The following HAT1 variants were observed in gnomAD, a reference collection of about 807,000 sequenced individuals.
HAT1 encodes the protein histone acetyltransferase 1.
A neutral mutation model predicts 56.6 loss-of-function variants in HAT1; 20 were observed. The observed-to-expected ratio is 0.35, with a 90% CI of 0.25 to 0.51. The LOEUF (loss-of-function observed/expected upper bound fraction) is 0.51, where lower values mean the gene tolerates loss of function less well. HAT1 is among the 20% of genes least tolerant of loss of function. The pLI is 0.95. For missense variants in HAT1, 408 were observed against 504.3 expected (o/e 0.81, Z 1.83); for synonymous variants, 146 against 165.5 (o/e 0.88, Z 0.91).
intron 1 of HAT1, among the ~76,000 whole-genome samples, chr2:171,925,194 T>G (rs1367047424): frequency 2.7e-5 from 4 of 149,752 alleles, no homozygotes; most frequent in Non-Finnish European, 5.9e-5. Flanking sequence ...TGCCTCAGCC[T>G]CCCAAGTAGC....
intron 4 of HAT1, 165 bp from the exon 5 acceptor site, chr2:171,965,173 T>C: frequency 1.7e-6 from 1 of 578,418 alleles, no homozygotes; most frequent in Non-Finnish European, 3.1e-6. Context: ...GTGATGCAGT[T>C]TGTGCACAGG....
intron 2 of HAT1, 124 bp from the exon 3 acceptor site, chr2:171,946,584 A>C: frequency 1.5e-6 from 1 of 646,978 alleles, no homozygotes; most frequent in Non-Finnish European, 2.7e-6. Context: ...GTGAAATGAC[A>C]CTTTTAGTAA....
At chr2:171,938,965 C>A (rs903188149) in intron 2 of HAT1, among the ~76,000 whole-genome samples, 2 of 151,940 alleles carry the variant, frequency 1.3e-5, no homozygotes, top group Admixed American at 1.3e-4. Flanking sequence ...GGTCTTGAAC[C>A]CCTGGACTCA....
chr2:171,934,252 G>A (rs1189889377), intron 2 of HAT1, among the ~76,000 whole-genome samples: 1 of 152,142 alleles, frequency 6.6e-6, no homozygotes, highest in Non-Finnish European at 1.5e-5. Flanking sequence ...TGATGCCAAT[G>A]ATCTATCAGA....
intron 10 of HAT1, among the ~76,000 whole-genome samples, chr2:171,982,567 T>C (rs1688158666): frequency 6.6e-6 from 1 of 152,214 alleles, no homozygotes; most frequent in Non-Finnish European, 1.5e-5. Context: ...ATCAGCTACC[T>C]GTTGCAAACT....
chr2:171,948,168 C>T (rs979163851), intron 3 of HAT1, among the ~76,000 whole-genome samples: 1 of 152,104 alleles, frequency 6.6e-6, no homozygotes, highest in Non-Finnish European at 1.5e-5. Flanking sequence ...CACCTCATTT[C>T]TTTTCACTAT....
At chr2:171,941,974 G>A (rs965021523) in intron 2 of HAT1, among the ~76,000 whole-genome samples, 7 of 152,004 alleles carry the variant, frequency 4.6e-5, no homozygotes, top group South Asian at 2.1e-4. Context: ...GCTCGATCTC[G>A]GCTTACTGCA....
At chr2:171,967,146 T>C (rs1171130445) in intron 8 of HAT1, among the ~76,000 whole-genome samples, 197 bp downstream of exon 8, 1 of 152,146 alleles carries the variant, frequency 6.6e-6, no homozygotes, top group Non-Finnish European at 1.5e-5. Context: ...AACTGTGAAG[T>C]GCATAATGGA....
chr2:171,973,503 C>A (rs1213470087), intron 8 of HAT1, among the ~76,000 whole-genome samples: 2 of 151,274 alleles, frequency 1.3e-5, no homozygotes, highest in Non-Finnish European at 2.9e-5. Context: ...AATTCAGAAT[C>A]CTCTAATCCA....
At chr2:171,925,412 T>A (rs1686564069) in intron 1 of HAT1, 125 bp from the exon 2 acceptor site, 1 of 582,190 alleles carries the variant, frequency 1.7e-6, no homozygotes, top group South Asian at 2.1e-5. Flanking sequence ...GGAGAATGAC[T>A]TGTGCTTTTA....
At position 171,952,941 on chromosome 2, in the gene HAT1, G is replaced by C; in HGVS notation, c.249G>C (p.Leu83=). 6.3e-7 allele frequency: 1 copy of C among 1,588,046 alleles called. No homozygotes were observed. Among genetic ancestry groups the C allele is most frequent in the African/African-American group, 1.3e-5 (1 of 74,554 alleles). Residue 83 remains leucine, a synonymous_variant, in exon 4 of 11, where the codon CTG becomes CTC. Coordinates refer to ENST00000264108, the MANE Select transcript of HAT1 (RefSeq NM_003642.4). ...KILLYYIAGS[L]STMFRVEYAS... Reference sequence around the variant, plus strand: ...TGTTATACTATATTGCTGGTAGCCTGTCAACAATGTTCCGTGTTGAATATG... The same window carrying C: ...TGTTATACTATATTGCTGGTAGCCTCTCAACAATGTTCCGTGTTGAATATG...
chr2:171,963,115 G>A (rs1465960987), intron 4 of HAT1, among the ~76,000 whole-genome samples: 1 of 151,362 alleles, frequency 6.6e-6, no homozygotes, highest in African/African-American at 2.4e-5. Flanking sequence ...TTTCCCTTTA[G>A]TGAAGCGAAG....
At chr2:171,934,977 A>T (rs1686834813) in intron 2 of HAT1, among the ~76,000 whole-genome samples, 1 of 150,818 alleles carries the variant, frequency 6.6e-6, no homozygotes, top group Non-Finnish European at 1.5e-5. Context: ...GCTGGTCTCA[A>T]ACTCCTGACC....
intron 4 of HAT1, among the ~76,000 whole-genome samples, chr2:171,958,171 A>C (rs149947215): frequency 6.6e-6 from 1 of 152,168 alleles, no homozygotes; most frequent in Non-Finnish European, 1.5e-5. Context: ...GCCCAAAGTC[A>C]TACAACTAGT....
intron 4 of HAT1, among the ~76,000 whole-genome samples, chr2:171,962,557 G>C (rs1687599015): frequency 6.6e-6 from 1 of 152,092 alleles, no homozygotes; most frequent in Non-Finnish European, 1.5e-5. Context: ...ACCACGCCCA[G>C]CTACTTTTGT....
intron 3 of HAT1, among the ~76,000 whole-genome samples, chr2:171,947,252 A>ATTAT (rs1166803854): frequency 6.6e-6 from 1 of 152,030 alleles, no homozygotes; most frequent in African/African-American, 2.4e-5. Flanking sequence ...TTATTTATTT[A>ATTAT]TTATTTATTT....
intron 2 of HAT1, among the ~76,000 whole-genome samples, chr2:171,935,137 A>G (rs1686840221): frequency 6.6e-6 from 1 of 152,076 alleles, no homozygotes; most frequent in South Asian, 2.1e-4. Context: ...GAGTAATAAC[A>G]TTGATGGACC....
chr2:171,977,562 T>A (rs1416620441), intron 9 of HAT1, among the ~76,000 whole-genome samples: 744 of 39,916 alleles, frequency 0.019, no homozygotes, highest in Non-Finnish European at 0.025. Context: ...TATATATTTT[T>A]TTTTTTTTTT....
chr2:171,973,083 G>C (rs774529941), intron 8 of HAT1, among the ~76,000 whole-genome samples: 5 of 152,116 alleles, frequency 3.3e-5, no homozygotes, highest in Non-Finnish European at 7.4e-5. Context: ...CCTGATGCTA[G>C]AGATTTCTTC....
Sources: gnomAD v4.1 joint callset for allele counts (sites outside exome capture counted in the v4.1 genomes callset) on GRCh38, gnomAD v4.1.1 for gene constraint, MANE v1.5 for transcripts, NCBI Gene and HGNC (gene_info 2026-07-23, HGNC 2026-07-21) for gene names.